The following UGT1A8 variants were observed in gnomAD, a reference collection of about 807,000 sequenced individuals.
UGT1A8 encodes UDP glucuronosyltransferase family 1 member A8.
UGT1A8 carries 39 observed loss-of-function variants against 45.3 expected under a neutral mutation model. The observed-to-expected ratio is 0.86, with a 90% confidence interval of 0.67 to 1.12. UGT1A8 has a LOEUF of 1.12. Ranked by LOEUF, UGT1A8 falls within the 50% of genes most tolerant of loss-of-function variation. The pLI, the probability that UGT1A8 is intolerant of heterozygous loss-of-function variation, is 0.00. For synonymous variants in UGT1A8, 275 were observed against 249.2 expected (o/e 1.10, Z -0.97); for missense variants, 719 against 664.9 (o/e 1.08, Z -0.90).
At chr2:233,670,299 A>C (rs1212968693) in intron 1 of UGT1A8, among the ~76,000 whole-genome samples, 3 of 152,188 alleles carry the variant, frequency 2.0e-5, no homozygotes, top group Non-Finnish European at 4.4e-5. Context: ...CAGAGGGGGA[A>C]GAAGTGGAGG....
chr2:233,626,673 T>C (rs780302259), intron 1 of UGT1A8, among the ~76,000 whole-genome samples: 3 of 152,068 alleles, frequency 2.0e-5, no homozygotes, highest in Non-Finnish European at 4.4e-5. Context: ...ACATTCTCTA[T>C]CCAGATTCTC....
intron 1 of UGT1A8, among the ~76,000 whole-genome samples, chr2:233,662,222 G>A (rs1055788436): frequency 6.6e-6 from 1 of 152,168 alleles, no homozygotes; most frequent in Admixed American, 6.5e-5. Flanking sequence ...AAATAGATTT[G>A]TGTCTATAAT....
chr2:233,649,958 T>G (rs981978526), intron 1 of UGT1A8, among the ~76,000 whole-genome samples: 1 of 152,130 alleles, frequency 6.6e-6, no homozygotes, highest in African/African-American at 2.4e-5. Flanking sequence ...GAAGAGATAC[T>G]TCAAGGTTTT....
At chr2:233,729,266 T>C (rs6431625) in intron 1 of UGT1A8, 636,149 of 1,613,866 alleles carry the variant, frequency 0.39, 130,866 homozygotes, top group African/African-American at 0.67. Flanking sequence ...ATGCGGGAGG[T>C]CTTGCGGGAG....
intron 1 of UGT1A8, chr2:233,636,624 T>C (rs1270540190): frequency 2.4e-5 from 38 of 1,614,110 alleles, no homozygotes; most frequent in Non-Finnish European, 3.1e-5. Flanking sequence ...TGCCCATGGA[T>C]GGGAGTCACT....
intron 1 of UGT1A8, among the ~76,000 whole-genome samples, chr2:233,631,062 A>G (rs1347927262): frequency 4.6e-5 from 7 of 151,604 alleles, no homozygotes; most frequent in Non-Finnish European, 1.0e-4. Context: ...TCCAACTCCT[A>G]CTTGCAACTC....
At chr2:233,682,022 CTGGTAG>C (rs2074551110) in intron 1 of UGT1A8, 5 of 1,614,110 alleles carry the variant, frequency 3.1e-6, no homozygotes, top group Non-Finnish European at 4.2e-6. Context: ...AGGGAAGCTG[CTGGTAG>C]TGCCCATGGA....
intron 1 of UGT1A8, among the ~76,000 whole-genome samples, chr2:233,630,309 A>G (rs1279703694): frequency 1.3e-5 from 2 of 152,160 alleles, no homozygotes; most frequent in Non-Finnish European, 2.9e-5. Flanking sequence ...GAAAGGAGCC[A>G]TCTTGTGCTC....
intron 2 of UGT1A8, 120 bp from the exon 3 acceptor site, chr2:233,767,729 C>T: frequency 1.3e-6 from 2 of 1,560,058 alleles, no homozygotes; most frequent in Middle Eastern, 1.7e-4. Flanking sequence ...GTTACTGATC[C>T]TCCCACTCTG....
chr2:233,716,449 C>T (rs2125648185), intron 1 of UGT1A8, among the ~76,000 whole-genome samples: 1 of 152,152 alleles, frequency 6.6e-6, no homozygotes, highest in Admixed American at 6.5e-5. Context: ...TTCATTTGGC[C>T]ATTTAAATTT....
At chr2:233,625,840 A>T (rs890343888) in intron 1 of UGT1A8, among the ~76,000 whole-genome samples, 1 of 151,966 alleles carries the variant, frequency 6.6e-6, no homozygotes, top group Admixed American at 6.6e-5. Flanking sequence ...TAATATGCTC[A>T]GTACTTGGGT....
intron 1 of UGT1A8, among the ~76,000 whole-genome samples, chr2:233,658,080 G>A (rs1255172616): frequency 2.0e-5 from 3 of 150,518 alleles, no homozygotes; most frequent in African/African-American, 7.3e-5. Flanking sequence ...GTGCAGTGGG[G>A]CAATCTTGGC....
At chr2:233,655,242 G>C (rs1317074264) in intron 1 of UGT1A8, among the ~76,000 whole-genome samples, 2 of 152,182 alleles carry the variant, frequency 1.3e-5, no homozygotes, top group African/African-American at 2.4e-5. Flanking sequence ...TCTATTATCA[G>C]CTACCTGTTT....
At chr2:233,680,609 G>C (rs887924422) in intron 1 of UGT1A8, among the ~76,000 whole-genome samples, 3 of 152,164 alleles carry the variant, frequency 2.0e-5, no homozygotes, top group African/African-American at 7.2e-5. Flanking sequence ...CTGCATGATG[G>C]AATTCAGCCC....
chr2:233,644,345 A>C (rs774350444), intron 1 of UGT1A8, among the ~76,000 whole-genome samples: 6 of 152,154 alleles, frequency 3.9e-5, no homozygotes, highest in Admixed American at 6.5e-5. Flanking sequence ...AGGTGGGTGG[A>C]TCACTTGAGG....
intron 1 of UGT1A8, among the ~76,000 whole-genome samples, chr2:233,738,662 G>C (rs958812061): frequency 3.9e-5 from 6 of 152,136 alleles, no homozygotes; most frequent in African/African-American, 7.2e-5. Context: ...CTACGAACTT[G>C]AGAGAGATGA....
chr2:233,760,356 G>A (rs1414123680), intron 1 of UGT1A8: 1 of 1,613,940 alleles, frequency 6.2e-7, no homozygotes, highest in Non-Finnish European at 8.5e-7. Context: ...TGGGCCCAGT[G>A]GTGTCCCATG....
intron 1 of UGT1A8, among the ~76,000 whole-genome samples, chr2:233,724,353 C>A (rs2077234748): frequency 2.0e-5 from 3 of 148,046 alleles, no homozygotes; most frequent in South Asian, 4.5e-4. Flanking sequence ...CCCCCCACCT[C>A]CCTCCCGGAC....
chr2:233,618,696 G>C, intron 1 of UGT1A8, 134 bp downstream of exon 1: 1 of 1,491,178 alleles, frequency 6.7e-7, no homozygotes, highest in Non-Finnish European at 8.9e-7. Context: ...AGATTATTTT[G>C]TGCCAATTTA....
Sources: allele counts gnomAD v4.1 joint callset (sites outside exome capture counted in the v4.1 genomes callset), GRCh38; gene constraint gnomAD v4.1.1; transcripts MANE v1.5; gene names NCBI Gene and HGNC (gene_info 2026-07-23, HGNC 2026-07-21).